The following ITPRID1 variants were observed in gnomAD, a reference collection of about 807,000 sequenced individuals.
ITPRID1 encodes protein ITPRID1.
In ITPRID1, 96 loss-of-function variants were observed where a neutral mutation model predicts 95.4. That is an observed-to-expected ratio of 1.01 (90% confidence interval 0.85 to 1.19). ITPRID1 has a LOEUF of 1.19. Among genes scored for constraint, ITPRID1 ranks in the 50% most tolerant of loss-of-function variants. The pLI is 0.00. For missense variants in ITPRID1, 1,339 were observed against 1,252.9 expected, an observed-to-expected ratio of 1.07 and a Z score of -1.04; for synonymous variants, 510 against 453.6, an observed-to-expected ratio of 1.12 and a Z score of -1.58.
At chr7:31,620,115 TG>T (rs1474280851) in intron 10 of ITPRID1, among the ~76,000 whole-genome samples, 1 of 152,148 alleles carries the variant, frequency 6.6e-6, no homozygotes, top group Non-Finnish European at 1.5e-5. Flanking sequence ...AAGCTCCAAC[TG>T]GGTGGAGCCC....
In ITPRID1 at chr7:31,577,980, A is replaced by G. The variant is rs1353898525; in HGVS notation, c.716A>G (p.Gln239Arg). ...AEEKAGGESV[Q>R]RTSVSAAKEH... is the part of the protein sequence containing the mutation. ...GAGAAAGCTGGAGGAGAGAGTGTGC[A>G]AAGAACCTCAGTGAGTGCCGCCAAA... The change falls in exon 9 of 15, where the codon CAA becomes CGA. Residue 239 changes from glutamine to arginine, a missense_variant. Coordinates refer to ENST00000615280, the MANE Select transcript of ITPRID1 (RefSeq NM_001257967.3). 1.2e-6 allele frequency: 2 copies of G among 1,613,820 alleles called. No individual in the cohort carries two copies. The highest frequency in any genetic ancestry group is 2.2e-5 in the East Asian group (1 of 44,824).
intron 1 of ITPRID1, among the ~76,000 whole-genome samples, chr7:31,539,678 C>A (rs773102443): frequency 2.0e-5 from 3 of 152,098 alleles, no homozygotes; most frequent in African/African-American, 7.2e-5. Flanking sequence ...TGGAGATAAA[C>A]CTGAGAGGGG....
At chr7:31,613,539 G>A (rs73689146) in intron 10 of ITPRID1, among the ~76,000 whole-genome samples, 1,728 of 151,292 alleles carry the variant, frequency 0.011, 31 homozygotes, top group African/African-American at 0.04. Flanking sequence ...CCATTTTAGA[G>A]TCTATATTTG....
At chr7:31,599,601 C>CTTTCTTT in intron 10 of ITPRID1, among the ~76,000 whole-genome samples, 1 of 71,766 alleles carries the variant, frequency 1.4e-5, no homozygotes, top group East Asian at 4.0e-4. Context: ...TTCTTTCTTT[C>CTTTCTTT]TTTCTTTCTT....
At chr7:31,625,640 G>T (rs1232904365) in intron 10 of ITPRID1, among the ~76,000 whole-genome samples, 1 of 151,956 alleles carries the variant, frequency 6.6e-6, no homozygotes, top group African/African-American at 2.4e-5. Flanking sequence ...GAGGAGGGGG[G>T]AGGGATAGCA....
chr7:31,595,840 A>C (rs1331487370), intron 10 of ITPRID1, among the ~76,000 whole-genome samples: 1 of 152,076 alleles, frequency 6.6e-6, no homozygotes, highest in Non-Finnish European at 1.5e-5. Context: ...AAAGCCACAA[A>C]GTTTTCAAAA....
chr7:31,634,337 A>G (rs1789284261), intron 10 of ITPRID1, among the ~76,000 whole-genome samples: 1 of 152,260 alleles, frequency 6.6e-6, no homozygotes, highest in African/African-American at 2.4e-5. Flanking sequence ...AACAGATAAT[A>G]TTAATAATGA....
At chr7:31,520,564 T>TGTGA (rs1289851983) in intron 1 of ITPRID1, among the ~76,000 whole-genome samples, 38 of 54,938 alleles carry the variant, frequency 6.9e-4, no homozygotes, top group Middle Eastern at 8.9e-3. Flanking sequence ...TGTGTGTGTG[T>TGTGA]GAGAGAGAGA....
intron 1 of ITPRID1, among the ~76,000 whole-genome samples, chr7:31,537,412 C>T (rs1020743995): frequency 3.9e-5 from 6 of 152,048 alleles, no homozygotes; most frequent in African/African-American, 1.4e-4. Context: ...TGGGTCTTTT[C>T]TCTGCTACAA....
chr7:31,579,410 C>T (rs193053935), intron 9 of ITPRID1, among the ~76,000 whole-genome samples: 168 of 152,238 alleles, frequency 1.1e-3, no homozygotes, highest in African/African-American at 3.8e-3. Flanking sequence ...CCGTTGAGCC[C>T]TCTATGTGGC....
In ITPRID1 at chr7:31,652,869, G is replaced by T. The variant is rs371968855; in HGVS notation, c.*40G>T. 7 of 1,584,616 alleles carry T rather than the reference G, an allele frequency of 4.4e-6. No individual in the cohort carries two copies. The highest frequency in any genetic ancestry group is 6.0e-6 in the Non-Finnish European group (7 of 1,161,176). On this transcript the variant is annotated 3_prime_UTR_variant, in exon 15 of 15. Transcript: ENST00000615280. ...GTTAACCTTCATACAAAATATAAAG[G>T]CCCAGAACAGATGTAGCAAGGAAAT...
At chr7:31,585,073 A>G (rs751222417) in intron 10 of ITPRID1, among the ~76,000 whole-genome samples, 23 of 152,204 alleles carry the variant, frequency 1.5e-4, no homozygotes, top group Non-Finnish European at 3.1e-4. Flanking sequence ...CCAGGTGAAT[A>G]AGCCATCTTT....
intron 7 of ITPRID1, among the ~76,000 whole-genome samples, chr7:31,572,623 T>C (rs1347937142): frequency 6.6e-6 from 1 of 152,152 alleles, no homozygotes; most frequent in Non-Finnish European, 1.5e-5. Context: ...AGGATACACA[T>C]AGGTTTAACT....
intron 12 of ITPRID1, among the ~76,000 whole-genome samples, chr7:31,646,995 G>GA (rs1251959509): frequency 2.0e-5 from 3 of 152,144 alleles, no homozygotes; most frequent in African/African-American, 7.2e-5. Flanking sequence ...CAAAGAAATA[G>GA]AAAAAAATAC....
chr7:31,555,906 A>G (rs1198177057), intron 5 of ITPRID1, among the ~76,000 whole-genome samples: 1 of 152,200 alleles, frequency 6.6e-6, no homozygotes, highest in African/African-American at 2.4e-5. Context: ...ATTTTTTCTA[A>G]TATAAAAGTT....
chr7:31,554,315 G>T, intron 3 of ITPRID1, 160 bp from the exon 4 acceptor site: 2 of 1,293,634 alleles, frequency 1.5e-6, no homozygotes, highest in Non-Finnish European at 1.0e-6. Context: ...ATGGAAAACA[G>T]GAGATTTTGC....
chr7:31,547,217 T>C (rs1583482128), intron 1 of ITPRID1, among the ~76,000 whole-genome samples: 1 of 152,280 alleles, frequency 6.6e-6, no homozygotes, highest in East Asian at 1.9e-4. Flanking sequence ...TGGCTGATAT[T>C]AGGTTGATAG....
rs904496488 is a variant in ITPRID1 at position 31,569,721 on chromosome 7, G to A, written c.257-37G>A. On this transcript the variant is annotated intron_variant, in intron 5 of 14. Coordinates refer to ENST00000615280, the MANE Select transcript of ITPRID1 (RefSeq NM_001257967.3). ...GAGAAAATCTTCCGCAAGATAAAAC[G>A]AAATAAAGTTCCCCTCTACTTTTTT... 14 of 1,541,412 alleles carry A rather than the reference G, an allele frequency of 9.1e-6. No homozygotes were observed. In the East Asian group the frequency reaches 1.2e-4, roughly 13 times the overall value.
chr7:31,600,575 G>A (rs532165884), intron 10 of ITPRID1, among the ~76,000 whole-genome samples: 48 of 152,314 alleles, frequency 3.2e-4, no homozygotes, highest in African/African-American at 9.9e-4. Context: ...AGCCAAGTGC[G>A]TTGCATAACC....
Sources: allele counts gnomAD v4.1 joint callset (sites outside exome capture counted in the v4.1 genomes callset), GRCh38; gene constraint gnomAD v4.1.1; transcripts MANE v1.5; gene names NCBI Gene and HGNC (gene_info 2026-07-23, HGNC 2026-07-21).